STARD6: variants seen among roughly 807,000 people sequenced by gnomAD.
The protein encoded by STARD6 is stAR-related lipid transfer protein 6.
Under a neutral mutation model 22.3 loss-of-function variants are expected in STARD6, and 21 were observed. That is an observed-to-expected ratio of 0.94 (90% CI 0.67 to 1.35). The LOEUF is 1.35. Among genes scored for constraint, STARD6 ranks in the 40% most tolerant of loss-of-function variants. The pLI, the probability that STARD6 is intolerant of heterozygous loss-of-function variation, is 0.00. For synonymous variants in STARD6, 80 were observed against 88.1 expected, an observed-to-expected ratio of 0.91 and a Z score of 0.52; for missense variants, 269 against 266.9, an observed-to-expected ratio of 1.01 and a Z score of -0.05.
intron 4 of STARD6, among the ~76,000 whole-genome samples, chr18:54,344,598 A>AG (rs1021860717): frequency 6.7e-6 from 1 of 148,434 alleles, no homozygotes; most frequent in Non-Finnish European, 1.5e-5. Context: ...AAAAAAAAAA[A>AG]AAAGAAAATA....
At chr18:54,344,583 T>TAAAAAAAAAAAAAAA (rs55736082) in intron 4 of STARD6, among the ~76,000 whole-genome samples, 14 of 94,048 alleles carry the variant, frequency 1.5e-4, no homozygotes, top group East Asian at 5.2e-4. Flanking sequence ...AAAAATAAAT[T>TAAAAAAAAAAAAAAA]AAAAAAAAAA....
intron 4 of STARD6, among the ~76,000 whole-genome samples, chr18:54,345,600 G>A (rs1395477508): frequency 6.6e-6 from 1 of 152,106 alleles, no homozygotes; most frequent in Non-Finnish European, 1.5e-5. Flanking sequence ...AATTCATATG[G>A]AAATGCAAGG....
intron 4 of STARD6, among the ~76,000 whole-genome samples, chr18:54,340,797 T>G (rs1353883964): frequency 6.6e-6 from 1 of 152,214 alleles, no homozygotes; most frequent in Admixed American, 6.5e-5. Flanking sequence ...TTGAAAAAGA[T>G]ACACCCTGTA....
chr18:54,326,557 C>T (rs1353808027), intron 7 of STARD6, among the ~76,000 whole-genome samples: 1 of 151,266 alleles, frequency 6.6e-6, no homozygotes, highest in South Asian at 2.1e-4. Context: ...ATCTCGAACT[C>T]CTGACCTCAG....
intron 5 of STARD6, 78 bp downstream of exon 5, chr18:54,337,045 CAT>C (rs1196822394): frequency 1.2e-5 from 15 of 1,279,332 alleles, no homozygotes; most frequent in Non-Finnish European, 1.5e-5. Context: ...GTCTACATAA[CAT>C]AGTTTTAATC....
chr18:54,341,805 T>C (rs990239375), intron 4 of STARD6, among the ~76,000 whole-genome samples: 1 of 152,158 alleles, frequency 6.6e-6, no homozygotes, highest in African/African-American at 2.4e-5. Flanking sequence ...TAAATGTCTA[T>C]ATTTTTTAAA....
intron 6 of STARD6, 110 bp from the exon 7 acceptor site, chr18:54,329,550 C>T: frequency 1.2e-6 from 1 of 848,576 alleles, no homozygotes. Context: ...ATAGCATTAA[C>T]ATTAGTTTTA....
intron 6 of STARD6, 81 bp downstream of exon 6, chr18:54,331,661 C>T: frequency 1.1e-6 from 1 of 908,326 alleles, no homozygotes; most frequent in Non-Finnish European, 1.7e-6. Context: ...AATATAATTT[C>T]TTTGAAGCTG....
chr18:54,331,847 A>G lies in STARD6; in HGVS notation c.280T>C (p.Cys94Arg), dbSNP rs1322675683. 2.5e-6 allele frequency: 4 copies of G among 1,605,666 alleles called. No homozygotes were observed. Among genetic ancestry groups the G allele is most frequent in the Non-Finnish European group, 3.4e-6 (4 of 1,173,440 alleles). Residue 94 changes from cysteine (C) to arginine (R), a missense_variant, in exon 6 of 8, where the codon TGT becomes CGT. Coordinates refer to ENST00000307844, the MANE Select transcript of STARD6 (RefSeq NM_139171.2). ...VHRIDSDTFI[C>R]HTITQSFAVG... ...GCAAAACTTTGTGTAATGGTATGAC[A>G]TATGAATGTGTCCTGCAACAAATCA... is the stretch of plus-strand genomic sequence containing the variant.
intron 4 of STARD6, among the ~76,000 whole-genome samples, chr18:54,348,893 G>C (rs2089064649): frequency 6.6e-6 from 1 of 152,026 alleles, no homozygotes. Context: ...AAATTATCTT[G>C]AGTTTATTTT....
At chr18:54,329,254 A>G in intron 7 of STARD6, 93 bp downstream of exon 7, 1 of 949,946 alleles carries the variant, frequency 1.1e-6, no homozygotes, top group Non-Finnish European at 1.6e-6. Context: ...ATATGCTGCT[A>G]CATATTTCTA....
At chr18:54,353,921 G>C in intron 4 of STARD6, 133 bp downstream of exon 4, 1 of 511,494 alleles carries the variant, frequency 2.0e-6, no homozygotes, top group East Asian at 3.6e-5. Flanking sequence ...TCACATTTCT[G>C]CCTAGTGACT....
At chr18:54,333,908 C>A (rs2088887288) in intron 5 of STARD6, among the ~76,000 whole-genome samples, 1 of 152,164 alleles carries the variant, frequency 6.6e-6, no homozygotes, top group Admixed American at 6.5e-5. Context: ...CAAATGCAAT[C>A]ATTTGTGAAA....
chr18:54,339,156 G>T (rs1383584322), intron 4 of STARD6, among the ~76,000 whole-genome samples: 4 of 148,526 alleles, frequency 2.7e-5, no homozygotes, highest in Non-Finnish European at 4.5e-5. Flanking sequence ...AATAAACAGT[G>T]CCTCAGAGAA....
At chr18:54,330,184 A>T (rs1375177198) in intron 6 of STARD6, among the ~76,000 whole-genome samples, 1 of 152,058 alleles carries the variant, frequency 6.6e-6, no homozygotes, top group African/African-American at 2.4e-5. Flanking sequence ...ATTTTAACAT[A>T]AAGCAAATCA....
intron 7 of STARD6, 91 bp downstream of exon 7, chr18:54,329,256 A>T: frequency 9.9e-7 from 1 of 1,006,812 alleles, no homozygotes; most frequent in Non-Finnish European, 1.4e-6. Flanking sequence ...ATGCTGCTAC[A>T]TATTTCTACT....
At chr18:54,326,387 C>T (rs1403207302) in intron 7 of STARD6, among the ~76,000 whole-genome samples, 3 of 146,846 alleles carry the variant, frequency 2.0e-5, no homozygotes, top group South Asian at 2.1e-4. Flanking sequence ...GCTGGAGTGC[C>T]GTGGAGTGAT....
At chr18:54,348,006 T>C (rs910941884) in intron 4 of STARD6, among the ~76,000 whole-genome samples, 16 of 152,186 alleles carry the variant, frequency 1.1e-4, no homozygotes, top group African/African-American at 3.1e-4. Flanking sequence ...ATCTGATGTT[T>C]TTTATAAGGG....
At chr18:54,332,524 C>T (rs2088873734) in intron 5 of STARD6, among the ~76,000 whole-genome samples, 1 of 152,206 alleles carries the variant, frequency 6.6e-6, no homozygotes, top group Non-Finnish European at 1.5e-5. Context: ...CTCACCCTAC[C>T]CTGTTGACAC....
Sources: gnomAD v4.1 joint callset for allele counts (sites outside exome capture counted in the v4.1 genomes callset) on GRCh38, gnomAD v4.1.1 for gene constraint, MANE v1.5 for transcripts, NCBI Gene and HGNC (gene_info 2026-07-23, HGNC 2026-07-21) for gene names.